ADAMTSL1: variants seen among roughly 807,000 people sequenced by gnomAD.
ADAMTSL1 encodes ADAMTS like 1.
A neutral mutation model predicts 201.8 loss-of-function variants in ADAMTSL1; 126 were observed. The observed-to-expected ratio is 0.62, with a 90% CI of 0.54 to 0.72. The LOEUF (loss-of-function observed/expected upper bound fraction) is 0.72, where lower values mean the gene tolerates loss of function less well. Ranked by LOEUF, ADAMTSL1 falls within the 30% of genes least tolerant of loss-of-function variation. ADAMTSL1 has a pLI of 0.00. For missense variants in ADAMTSL1, 2,679 were observed against 2,277.8 expected (o/e 1.18, Z -3.59); for synonymous variants, 1,121 against 903.4 (o/e 1.24, Z -4.32).
intron 3 of ADAMTSL1, among the ~76,000 whole-genome samples, chr9:18,540,238 C>T (rs1483582795): frequency 6.6e-6 from 1 of 152,150 alleles, no homozygotes; most frequent in Non-Finnish European, 1.5e-5. Context: ...TGCCCCTGTT[C>T]TTATGAAGCT....
intron 7 of ADAMTSL1, among the ~76,000 whole-genome samples, chr9:18,643,992 A>T (rs77503286): frequency 0.16 from 24,594 of 151,818 alleles, 2,196 homozygotes; most frequent in Non-Finnish European, 0.2. Flanking sequence ...TTAACAATAT[A>T]AATTCTTCCA....
At chr9:18,395,221 A>G (rs1224317054) in intron 2 of ADAMTSL1, among the ~76,000 whole-genome samples, 1 of 152,216 alleles carries the variant, frequency 6.6e-6, no homozygotes, top group Admixed American at 6.5e-5. Context: ...ACTGCCTTTC[A>G]AAACAGTTCT....
At chr9:18,530,190 T>A (rs1341058) in intron 2 of ADAMTSL1, among the ~76,000 whole-genome samples, 88,977 of 151,942 alleles carry the variant, frequency 0.59, 26,286 homozygotes, top group East Asian at 0.79. Context: ...GTGCATAGGC[T>A]TTCCTAAATT....
intron 6 of ADAMTSL1, 45 bp from the exon 7 acceptor site, chr9:18,639,209 C>T (rs1277504456): frequency 1.9e-6 from 3 of 1,599,156 alleles, no homozygotes; most frequent in Non-Finnish European, 2.6e-6. Flanking sequence ...CCTGTGGTTG[C>T]CCTAGGAACA....
At chr9:18,218,670 A>G (rs1443115641) in intron 2 of ADAMTSL1, among the ~76,000 whole-genome samples, 1 of 152,090 alleles carries the variant, frequency 6.6e-6, no homozygotes, top group Admixed American at 6.5e-5. Flanking sequence ...CTAGACATTA[A>G]TCATTCATAT....
chr9:18,092,974 G>T (rs927200487), intron 1 of ADAMTSL1, among the ~76,000 whole-genome samples: 2 of 152,062 alleles, frequency 1.3e-5, no homozygotes, highest in African/African-American at 4.8e-5. Flanking sequence ...GGAAAATTGG[G>T]GCTCAATCGT....
chr9:18,494,224 C>T lies in ADAMTSL1; in HGVS notation c.64-10605C>T, dbSNP rs144611532. Reference sequence around the variant, plus strand: ...TACAAAAATTACCCGGGCATGGTGGCGGGTGCCTGTAATCCCAACTACTCA... The same window carrying T: ...TACAAAAATTACCCGGGCATGGTGGTGGGTGCCTGTAATCCCAACTACTCA... On this transcript the variant is annotated intron_variant, in intron 1 of 28. Transcript: ENST00000380548. Among the ~76,000 whole-genome samples the T allele has an allele frequency of 5.8e-3, 884 of 151,854 alleles. 12 individuals are homozygous for T. The highest frequency in any genetic ancestry group is 0.02 in the African/African-American group (827 of 41,408).
intron 2 of ADAMTSL1, among the ~76,000 whole-genome samples, chr9:18,413,908 A>G (rs1466927758): frequency 6.6e-6 from 1 of 152,210 alleles, no homozygotes; most frequent in Non-Finnish European, 1.5e-5. Context: ...TCTGTTTTTC[A>G]AATACTCAGA....
At chr9:18,719,271 C>A (rs1251183291) in intron 14 of ADAMTSL1, among the ~76,000 whole-genome samples, 1 of 152,132 alleles carries the variant, frequency 6.6e-6, no homozygotes, top group Admixed American at 6.5e-5. Context: ...AGCTCATAAA[C>A]AATTTAGAAA....
chr9:18,677,215 A>G (rs1200867363), intron 10 of ADAMTSL1, among the ~76,000 whole-genome samples: 1 of 151,442 alleles, frequency 6.6e-6, no homozygotes, highest in Non-Finnish European at 1.5e-5. Flanking sequence ...GTTATTTTTA[A>G]CTCTTTCACT....
At chr9:18,626,824 T>C (rs1413981660) in intron 5 of ADAMTSL1, among the ~76,000 whole-genome samples, 1 of 143,304 alleles carries the variant, frequency 7.0e-6, no homozygotes, top group African/African-American at 2.5e-5. Context: ...TTTCTTTCTT[T>C]CTTTCTTACT....
At chr9:18,645,876 T>C in intron 7 of ADAMTSL1, among the ~76,000 whole-genome samples, 1 of 130,134 alleles carries the variant, frequency 7.7e-6, no homozygotes, top group South Asian at 2.7e-4. Context: ...ATGTGGGCTC[T>C]TTTTTGGTTC....
intron 2 of ADAMTSL1, among the ~76,000 whole-genome samples, chr9:18,170,193 A>C (rs1034691949): frequency 6.6e-6 from 1 of 152,070 alleles, no homozygotes; most frequent in African/African-American, 2.4e-5. Flanking sequence ...TTTAAGTTTC[A>C]CACATAAATA....
At chr9:18,300,780 A>T (rs10963560) in intron 2 of ADAMTSL1, among the ~76,000 whole-genome samples, 1 of 152,104 alleles carries the variant, frequency 6.6e-6, no homozygotes, top group Non-Finnish European at 1.5e-5. Context: ...TCCCATGATG[A>T]CACCTGGGTA....
chr9:18,739,077 TATA>T (rs1397406005), intron 15 of ADAMTSL1, among the ~76,000 whole-genome samples: 1 of 152,192 alleles, frequency 6.6e-6, no homozygotes. Flanking sequence ...TATAAAATGG[TATA>T]ATAATAGTAC....
At chr9:18,414,102 T>G (rs1287223106) in intron 2 of ADAMTSL1, among the ~76,000 whole-genome samples, 1 of 152,220 alleles carries the variant, frequency 6.6e-6, no homozygotes, top group Non-Finnish European at 1.5e-5. Context: ...TTCTCTACAG[T>G]TGACTATTCA....
intron 15 of ADAMTSL1, among the ~76,000 whole-genome samples, chr9:18,725,024 A>C (rs954469589): frequency 4.0e-5 from 6 of 151,834 alleles, no homozygotes. Context: ...CTCCTGCTTC[A>C]GCCTCCCAAG....
At chr9:17,933,314 T>C (rs1475773785) in intron 1 of ADAMTSL1, among the ~76,000 whole-genome samples, 1 of 152,150 alleles carries the variant, frequency 6.6e-6, no homozygotes, top group African/African-American at 2.4e-5. Context: ...CAAATCGGTC[T>C]CTGCATCTCT....
chr9:18,051,861 C>T (rs982683332), intron 1 of ADAMTSL1, among the ~76,000 whole-genome samples: 1 of 152,154 alleles, frequency 6.6e-6, no homozygotes, highest in Non-Finnish European at 1.5e-5. Context: ...TAGGTGACCA[C>T]GTCAAAGCTG....
Sources: gnomAD v4.1 joint callset for allele counts (sites outside exome capture counted in the v4.1 genomes callset) on GRCh38, gnomAD v4.1.1 for gene constraint, MANE v1.5 for transcripts, NCBI Gene and HGNC (gene_info 2026-07-23, HGNC 2026-07-21) for gene names.